The following LRCH2 variants were observed in gnomAD, a reference collection of about 807,000 sequenced individuals.
LRCH2 encodes the protein leucine-rich repeat and calponin homology domain-containing protein 2.
A neutral mutation model predicts 68.9 loss-of-function variants in LRCH2; 38 were observed. The observed-to-expected ratio is 0.55, with a 90% confidence interval of 0.43 to 0.72. The LOEUF (loss-of-function observed/expected upper bound fraction) is 0.72. Among genes scored for constraint, LRCH2 ranks in the 30% least tolerant of loss-of-function variants. The pLI is 0.00. For missense variants in LRCH2, 528 were observed against 572.9 expected, an observed-to-expected ratio of 0.92 and a Z score of 0.80; for synonymous variants, 191 against 208.1, an observed-to-expected ratio of 0.92 and a Z score of 0.71.
chrX:115,161,565 T>G (rs1331260164), intron 11 of LRCH2, among the ~76,000 whole-genome samples: 1 of 110,949 alleles, frequency 9.0e-6, no homozygotes, highest in African/African-American at 3.3e-5. Flanking sequence ...ACAGCAGAAG[T>G]TTTTTTTAGG....
chrX:115,166,309 G>C lies in LRCH2; in HGVS notation c.1032C>G (p.Gly344=), dbSNP rs202226895. ...MEDFYPNKNH[G]PDSGIGSDNG... Reference sequence around the variant, plus strand: ...TATCACTTCCAATTCCAGAGTCAGGGCCATGATTTTTATTTGGATAAAAAT... The same window carrying C: ...TATCACTTCCAATTCCAGAGTCAGGCCCATGATTTTTATTTGGATAAAAAT... The change falls in exon 7 of 21, where the codon GGC becomes GGG. Residue 344 remains glycine, a synonymous_variant. Transcript: ENST00000317135. 274 of 1,189,283 alleles carry C rather than the reference G, an allele frequency of 2.3e-4. No homozygotes were observed. Among genetic ancestry groups the C allele is most frequent in the Middle Eastern group, 2.3e-4 (1 of 4,315 alleles).
intron 1 of LRCH2, among the ~76,000 whole-genome samples, chrX:115,201,557 C>T (rs1474149797): frequency 1.8e-5 from 2 of 111,369 alleles, no homozygotes; most frequent in East Asian, 2.8e-4. Flanking sequence ...ACCCATGTAT[C>T]ATACTGAATG....
chrX:115,224,340 T>C (rs1291565725), intron 1 of LRCH2, among the ~76,000 whole-genome samples: 1 of 111,206 alleles, frequency 9.0e-6, no homozygotes, highest in Non-Finnish European at 1.9e-5. Flanking sequence ...AACAATATAC[T>C]TTAAATTGGT....
intron 8 of LRCH2, 32 bp downstream of exon 8, chrX:115,165,809 G>A (rs781950244): frequency 2.7e-5 from 29 of 1,066,679 alleles, no homozygotes; most frequent in South Asian, 1.3e-4. Flanking sequence ...CTATGTACAT[G>A]AAACAAAAAT....
intron 1 of LRCH2, among the ~76,000 whole-genome samples, chrX:115,202,155 T>C (rs1251570874): frequency 8.9e-6 from 1 of 111,822 alleles, no homozygotes. Context: ...AAAACAATCA[T>C]AAAATTCATA....
intron 1 of LRCH2, among the ~76,000 whole-genome samples, chrX:115,207,243 A>G (rs782250761): frequency 1.2e-3 from 135 of 109,870 alleles, no homozygotes; most frequent in Non-Finnish European, 2.1e-3. Context: ...AAATCGGGGG[A>G]AAAAAAAACA....
At chrX:115,136,308 A>G (rs2147358089) in intron 14 of LRCH2, among the ~76,000 whole-genome samples, 1 of 111,003 alleles carries the variant, frequency 9.0e-6, no homozygotes, top group Non-Finnish European at 1.9e-5. Flanking sequence ...CCCATGCCAA[A>G]ATTCACAGAT....
intron 1 of LRCH2, among the ~76,000 whole-genome samples, chrX:115,232,666 T>C (rs180955028): frequency 5.8e-4 from 65 of 112,183 alleles, no homozygotes; most frequent in African/African-American, 2.0e-3. Context: ...ATTTACTTAC[T>C]ATATTGTTTC....
chrX:115,112,735 CT>C lies in LRCH2; in HGVS notation c.*480del, dbSNP rs1473969548. 9.0e-6 allele frequency: 1 copy of C among 111,252 alleles called. No homozygotes were observed. The highest frequency in any genetic ancestry group is 1.9e-5 in the Non-Finnish European group (1 of 52,703). The allele number at this position is 111,252 out of a possible 1,213,427, so 9.2% of individuals were successfully genotyped here. On this transcript the variant is annotated 3_prime_UTR_variant, in exon 21 of 21. Transcript: ENST00000317135. ...AAAGCCAGAATTGTTTTTTCTACTC[CT>C]TTTTTCTAGAAAACTAAGACCAAAG...
At position 115,146,902 on chromosome X, in the gene LRCH2, T is replaced by TACACAC. The variant is rs1238704414; in HGVS notation, c.1695+2924_1695+2925insGTGTGT. Among the ~76,000 whole-genome samples the TACACAC allele has an allele frequency of 1.3e-3, 69 of 53,886 alleles. 1 individual carries two copies. Among genetic ancestry groups the TACACAC allele is most frequent in the African/African-American group, 5.3e-3 (67 of 12,624 alleles). The allele number at this position is 53,886 out of a possible 115,157, so 46.8% of individuals were successfully genotyped here. ...AAGAAATACAGTTGGATTTCTTACATACATACACACACACACACACACACA... is the reference window on the plus strand; with the variant it reads ...AAGAAATACAGTTGGATTTCTTACATACACACACATACACACACACACACACACACA... On this transcript the variant is annotated intron_variant, in intron 14 of 20. Coordinates refer to ENST00000317135, the MANE Select transcript of LRCH2 (RefSeq NM_020871.4).
At chrX:115,132,370 T>C (rs2072253581) in intron 14 of LRCH2, among the ~76,000 whole-genome samples, 1 of 111,620 alleles carries the variant, frequency 9.0e-6, no homozygotes, top group African/African-American at 3.3e-5. Context: ...TTTGTCAGGT[T>C]TGTCAAAGAT....
At chrX:115,221,362 A>C (rs1420255966) in intron 1 of LRCH2, among the ~76,000 whole-genome samples, 3 of 108,128 alleles carry the variant, frequency 2.8e-5, no homozygotes, top group African/African-American at 1.0e-4. Flanking sequence ...CAAAACAATA[A>C]AAACAAAAAT....
At position 115,149,940 on chromosome X, in the gene LRCH2, A is replaced by C; in HGVS notation, c.1582T>G (p.Leu528Val). 1.7e-6 allele frequency: 2 copies of C among 1,179,867 alleles called. No homozygotes were observed. Among genetic ancestry groups the C allele is most frequent in the Non-Finnish European group, 2.3e-6 (2 of 871,790 alleles). The change falls in exon 14 of 21, where the codon TTA becomes GTA. Residue 528 changes from leucine (L) to valine (V), a missense_variant. Physicochemically the swap from Leu to Val is conservative, Grantham distance 32. Transcript: ENST00000317135. The part of the protein sequence containing the change: ...SPLSPLTWQP[L>V]ENQKDQIDEQ... ...TCTATTTGATCCTTCTGATTTTCTAAGGGCTATAATGAGACAATTTATTTT... is the reference window on the plus strand; with the variant it reads ...TCTATTTGATCCTTCTGATTTTCTACGGGCTATAATGAGACAATTTATTTT...
rs190286128 is a variant in LRCH2 at position 115,163,881 on chromosome X, A to G, written c.1356-98T>C. 3.0e-5 allele frequency: 16 copies of G among 533,211 alleles called. No homozygotes were observed. In the Admixed American group the frequency reaches 4.3e-4, roughly 14 times the overall value. The allele number at this position is 533,211 out of a possible 1,213,427, so 43.9% of individuals were successfully genotyped here. Reference sequence around the variant, plus strand: ...AAACCATTTTTGTTTTTAACACCATATGAAAGTTAAAATCCTAGGTCCTTC... The same window carrying G: ...AAACCATTTTTGTTTTTAACACCATGTGAAAGTTAAAATCCTAGGTCCTTC... On this transcript the variant is annotated intron_variant, in intron 10 of 20. Transcript: ENST00000317135.
intron 20 of LRCH2, among the ~76,000 whole-genome samples, chrX:115,121,853 C>T (rs1420388485): frequency 9.0e-6 from 1 of 111,600 alleles, no homozygotes; most frequent in Non-Finnish European, 1.9e-5. Flanking sequence ...GACAGCTTAA[C>T]AAGCACAACT....
intron 14 of LRCH2, among the ~76,000 whole-genome samples, chrX:115,135,126 T>C (rs1189984168): frequency 4.9e-5 from 5 of 102,951 alleles, no homozygotes; most frequent in South Asian, 4.6e-4. Context: ...TTCTTTCTTT[T>C]TTTTTTTTTT....
chrX:115,148,103 GT>G (rs1222409776), intron 14 of LRCH2, among the ~76,000 whole-genome samples: 1 of 111,731 alleles, frequency 9.0e-6, no homozygotes, highest in Non-Finnish European at 1.9e-5. Flanking sequence ...GTAAAACTGT[GT>G]TTGTTTGAAA....
intron 2 of LRCH2, among the ~76,000 whole-genome samples, chrX:115,187,206 C>T (rs2072739455): frequency 9.0e-6 from 1 of 111,456 alleles, no homozygotes; most frequent in African/African-American, 3.3e-5. Context: ...GGGAGTCATA[C>T]AAAAGAACTG....
At chrX:115,150,930 C>A in intron 12 of LRCH2, among the ~76,000 whole-genome samples, 1 of 109,800 alleles carries the variant, frequency 9.1e-6, no homozygotes, top group East Asian at 2.9e-4. Context: ...TATAAAATAC[C>A]TAGGAAGAAA....
Sources: gnomAD v4.1 joint callset for allele counts (sites outside exome capture counted in the v4.1 genomes callset) on GRCh38, gnomAD v4.1.1 for gene constraint, MANE v1.5 for transcripts, NCBI Gene and HGNC (gene_info 2026-07-23, HGNC 2026-07-21) for gene names.